LSAMP: variants seen among roughly 807,000 people sequenced by gnomAD.
LSAMP encodes the protein limbic system-associated membrane protein.
LSAMP carries 7 observed loss-of-function variants against 38.6 expected under a neutral mutation model. The observed-to-expected ratio is 0.18, with a 90% confidence interval of 0.10 to 0.34. LSAMP has a LOEUF of 0.34. Ranked by LOEUF, LSAMP falls within the 10% of genes least tolerant of loss-of-function variation. The pLI is 1.00. For missense variants in LSAMP, 313 were observed against 420.0 expected, an observed-to-expected ratio of 0.75 and a Z score of 2.23; for synonymous variants, 154 against 166.8, an observed-to-expected ratio of 0.92 and a Z score of 0.59.
chr3:116,071,076 TAAA>T (rs1454677257), intron 2 of LSAMP, among the ~76,000 whole-genome samples: 2 of 148,112 alleles, frequency 1.4e-5, no homozygotes, highest in Non-Finnish European at 3.0e-5. Context: ...AATAAATAAA[TAAA>T]TAAATAAATA....
At chr3:115,854,720 C>T (rs947798523) in intron 3 of LSAMP, among the ~76,000 whole-genome samples, 5 of 152,116 alleles carry the variant, frequency 3.3e-5, no homozygotes, top group Non-Finnish European at 7.4e-5. Context: ...AAAGATCTTT[C>T]CTGCATATTG....
At chr3:116,116,160 T>C (rs1056322762) in intron 1 of LSAMP, among the ~76,000 whole-genome samples, 8 of 151,638 alleles carry the variant, frequency 5.3e-5, no homozygotes, top group Non-Finnish European at 7.4e-5. Context: ...TTTCTCAGCT[T>C]TTATATCATT....
rs141316744 is a variant in LSAMP, at chr3:116,371,743, T to C, written c.155+73134A>G. 6.2e-3 allele frequency among the ~76,000 whole-genome samples: 945 copies of C among 152,204 alleles called. 11 individuals carry two copies. Among genetic ancestry groups the C allele is most frequent in the African/African-American group, 0.022 (896 of 41,552 alleles). ...TCCAAATTGAAATGGAAAAAGTACA[T>C]TTATCTCTCTTTGGAGATATATGAT... On this transcript the variant is annotated intron_variant, in intron 1 of 6. Coordinates refer to ENST00000490035, the MANE Select transcript of LSAMP (RefSeq NM_002338.5).
chr3:116,325,491 C>T (rs1333806968), intron 1 of LSAMP, among the ~76,000 whole-genome samples: 1 of 152,048 alleles, frequency 6.6e-6, no homozygotes. Context: ...TCCCTGATTT[C>T]GATGAGGGCA....
At chr3:116,252,684 A>G (rs1053445215) in intron 1 of LSAMP, among the ~76,000 whole-genome samples, 1 of 152,252 alleles carries the variant, frequency 6.6e-6, no homozygotes, top group African/African-American at 2.4e-5. Flanking sequence ...TTTCAGCATT[A>G]TGAACGTGAA....
At chr3:116,288,960 G>A (rs745843317) in intron 1 of LSAMP, among the ~76,000 whole-genome samples, 2 of 152,170 alleles carry the variant, frequency 1.3e-5, no homozygotes, top group African/African-American at 2.4e-5. Context: ...CCAGATCTGT[G>A]CTTTCCCAGT....
intron 1 of LSAMP, among the ~76,000 whole-genome samples, chr3:116,204,496 T>C (rs1278787830): frequency 6.6e-6 from 1 of 151,692 alleles, no homozygotes; most frequent in Non-Finnish European, 1.5e-5. Flanking sequence ...TCCTGAATGG[T>C]ATTGCCTAGG....
intron 1 of LSAMP, among the ~76,000 whole-genome samples, chr3:116,161,211 A>C (rs950585976): frequency 6.6e-6 from 1 of 152,168 alleles, no homozygotes; most frequent in Non-Finnish European, 1.5e-5. Context: ...TGTACCCACC[A>C]CAGTGAGGAA....
chr3:115,951,335 C>T (rs931267619), intron 3 of LSAMP, among the ~76,000 whole-genome samples: 1 of 152,126 alleles, frequency 6.6e-6, no homozygotes, highest in African/African-American at 2.4e-5. Context: ...AGTAAACAGC[C>T]AACCCACAGT....
At chr3:116,417,022 T>A (rs1011886167) in intron 1 of LSAMP, among the ~76,000 whole-genome samples, 2 of 152,172 alleles carry the variant, frequency 1.3e-5, no homozygotes, top group African/African-American at 4.8e-5. Context: ...TTCCCCTACT[T>A]AAATTTGGAT....
At chr3:116,123,300 C>T (rs1484321403) in intron 1 of LSAMP, among the ~76,000 whole-genome samples, 1 of 152,264 alleles carries the variant, frequency 6.6e-6, no homozygotes, top group Non-Finnish European at 1.5e-5. Flanking sequence ...GCCATGACAC[C>T]TCCTCCAGTC....
At chr3:116,056,792 C>A (rs1341320565) in intron 2 of LSAMP, among the ~76,000 whole-genome samples, 7 of 152,120 alleles carry the variant, frequency 4.6e-5, no homozygotes, top group African/African-American at 1.7e-4. Context: ...AACCAAGAAA[C>A]AAATCCTCAT....
chr3:116,041,033 C>A (rs957125262), intron 2 of LSAMP, among the ~76,000 whole-genome samples: 2 of 152,216 alleles, frequency 1.3e-5, no homozygotes, highest in Non-Finnish European at 2.9e-5. Context: ...AAGTGAGCAT[C>A]CCGCCTCAGC....
intron 3 of LSAMP, among the ~76,000 whole-genome samples, chr3:115,993,092 A>G (rs1939717841): frequency 6.6e-6 from 1 of 152,118 alleles, no homozygotes; most frequent in South Asian, 2.1e-4. Context: ...ATACATTTAT[A>G]TTTCTCCTAC....
chr3:116,087,830 G>C (rs1419083455), intron 1 of LSAMP, among the ~76,000 whole-genome samples: 1 of 151,790 alleles, frequency 6.6e-6, no homozygotes, highest in Non-Finnish European at 1.5e-5. Context: ...TCCATTTATG[G>C]TATAATACAA....
intron 1 of LSAMP, among the ~76,000 whole-genome samples, chr3:116,417,719 T>C (rs2049069981): frequency 1.3e-5 from 2 of 152,218 alleles, no homozygotes; most frequent in Admixed American, 1.3e-4. Context: ...TCCTATTCTT[T>C]TAATAATAGG....
chr3:116,203,645 C>A (rs553402909), intron 1 of LSAMP, among the ~76,000 whole-genome samples: 1 of 147,554 alleles, frequency 6.8e-6, no homozygotes, highest in Non-Finnish European at 1.5e-5. Flanking sequence ...TGAGAATATG[C>A]GGTGTTTGGT....
intron 3 of LSAMP, among the ~76,000 whole-genome samples, chr3:115,869,499 C>G (rs1576167896): frequency 1.3e-5 from 2 of 152,086 alleles, no homozygotes; most frequent in South Asian, 4.2e-4. Flanking sequence ...AAAGAAGATG[C>G]CACTATCTGG....
intron 3 of LSAMP, among the ~76,000 whole-genome samples, chr3:115,915,468 A>C (rs1205202131): frequency 6.6e-6 from 1 of 152,144 alleles, no homozygotes; most frequent in African/African-American, 2.4e-5. Flanking sequence ...AGAGAGGTGA[A>C]ACAATATAAC....
Sources: gnomAD v4.1 joint callset for allele counts (sites outside exome capture counted in the v4.1 genomes callset) on GRCh38, gnomAD v4.1.1 for gene constraint, MANE v1.5 for transcripts, NCBI Gene and HGNC (gene_info 2026-07-23, HGNC 2026-07-21) for gene names.